Variants in GPR176 observed in about 807,000 individuals in gnomAD.
GPR176 encodes the protein G-protein coupled receptor 176.
In GPR176, 26 loss-of-function variants were observed where a neutral mutation model predicts 35.4. The observed-to-expected ratio is 0.74, with a 90% CI of 0.54 to 1.02. GPR176 has a LOEUF of 1.02. Ranked by LOEUF, GPR176 falls within the 50% of genes least tolerant of loss-of-function variation. GPR176 has a pLI of 0.00. For synonymous variants in GPR176, 278 were observed against 271.3 expected (o/e 1.02, Z -0.24); for missense variants, 597 against 665.3 (o/e 0.90, Z 1.13).
At chr15:39,813,469 GA>G (rs1041835470) in intron 1 of GPR176, 1 of 152,192 alleles carries the variant, frequency 6.6e-6, no homozygotes, top group Non-Finnish European at 1.5e-5. Context: ...CCCAGCAGTT[GA>G]AAGATATCAC....
At chr15:39,886,304 A>T (rs1366195267) in intron 1 of GPR176, among the ~76,000 whole-genome samples, 2 of 152,140 alleles carry the variant, frequency 1.3e-5, no homozygotes, top group African/African-American at 4.8e-5. Flanking sequence ...CTCAGCAGAG[A>T]ATTTTACAGG....
intron 1 of GPR176, among the ~76,000 whole-genome samples, chr15:39,895,280 G>T (rs1208353467): frequency 3.0e-5 from 1 of 32,898 alleles, no homozygotes; most frequent in Non-Finnish European, 7.2e-5. Context: ...GGGAGACCGT[G>T]GGGAGAGGAA....
At chr15:39,888,478 T>C (rs1595508007) in intron 1 of GPR176, among the ~76,000 whole-genome samples, 1 of 152,266 alleles carries the variant, frequency 6.6e-6, no homozygotes, top group East Asian at 1.9e-4. Flanking sequence ...GCCCAAGCTG[T>C]AGTGCCATGC....
chr15:39,844,035 T>C (rs1274536205), intron 1 of GPR176, among the ~76,000 whole-genome samples: 1 of 152,158 alleles, frequency 6.6e-6, no homozygotes, highest in Non-Finnish European at 1.5e-5. Context: ...GCGTTCTAAA[T>C]CTCACCCAAA....
chr15:39,833,160 C>A (rs530603674), intron 1 of GPR176, among the ~76,000 whole-genome samples: 1 of 151,982 alleles, frequency 6.6e-6, no homozygotes, highest in Non-Finnish European at 1.5e-5. Flanking sequence ...GTATACATAT[C>A]CAAGAAAAAG....
intron 1 of GPR176, among the ~76,000 whole-genome samples, chr15:39,824,046 G>A (rs762482939): frequency 5.9e-5 from 9 of 152,136 alleles, no homozygotes; most frequent in Non-Finnish European, 7.4e-5. Context: ...TGAATGGCCC[G>A]GTGCCATCCC....
chr15:39,832,654 AACACACACACACACACAC>A (rs112693906), intron 1 of GPR176, among the ~76,000 whole-genome samples: 26 of 145,234 alleles, frequency 1.8e-4, no homozygotes, highest in Middle Eastern at 3.5e-3. Flanking sequence ...TGATGAGCTA[AACACACACACACACACAC>A]ACACACACAC....
At chr15:39,820,455 AG>A (rs554263932) in intron 1 of GPR176, among the ~76,000 whole-genome samples, 3 of 152,218 alleles carry the variant, frequency 2.0e-5, no homozygotes, top group Non-Finnish European at 4.4e-5. Flanking sequence ...AGAGCTCTGT[AG>A]GAAGGAGGGA....
At position 39,896,130 on chromosome 15, in the gene GPR176, C is replaced by G. The variant is rs144359769; in HGVS notation, c.172+23725G>C. Among the ~76,000 whole-genome samples, 367 of 152,272 alleles carry G rather than the reference C, an allele frequency of 2.4e-3. 2 individuals carry two copies. The highest frequency in any genetic ancestry group is 8.5e-3 in the African/African-American group (353 of 41,536). On this transcript the variant is annotated intron_variant, in intron 1 of 2. Transcript: ENST00000561100. ...AGTGCAGTGGCATGATCGTAGCTCA[C>G]TGTAGCCTGGAACCTCTGGGTTCAA...
chr15:39,889,608 T>TAAAATAAAATAAAATAAAATAAAAC (rs1369801259), intron 1 of GPR176, among the ~76,000 whole-genome samples: 4 of 136,498 alleles, frequency 2.9e-5, no homozygotes, highest in African/African-American at 8.3e-5. Flanking sequence ...TAAAATAAAA[T>TAAAATAAAATAAAATAAAATAAAAC]AAAACAAAAC....
At chr15:39,876,921 A>C (rs956729545) in intron 1 of GPR176, among the ~76,000 whole-genome samples, 1 of 152,160 alleles carries the variant, frequency 6.6e-6, no homozygotes, top group Non-Finnish European at 1.5e-5. Flanking sequence ...TAGGTGATCT[A>C]CATTATCTTC....
At chr15:39,832,014 AC>A (rs1901117046) in intron 1 of GPR176, among the ~76,000 whole-genome samples, 3 of 151,856 alleles carry the variant, frequency 2.0e-5, no homozygotes, top group Non-Finnish European at 4.4e-5. Flanking sequence ...ACACACACAC[AC>A]ACACACACAC....
At position 39,807,728 on chromosome 15, in the gene GPR176, T is replaced by G. The variant is rs1899293264; in HGVS notation, c.173-470A>C. The G allele has an allele frequency of 6.8e-6, 4 of 591,472 alleles. No homozygotes were observed. In the Admixed American group the frequency reaches 1.1e-4, roughly 16 times the overall value. The allele number at this position is 591,472 out of a possible 1,614,324, so 36.6% of individuals were successfully genotyped here. A position where few individuals can be genotyped will look rare whatever the true frequency, so the allele number is the denominator to read the frequency against. Reference sequence around the variant, plus strand: ...GCAGGTGAGATTTTAATAATATTTTTTATTCAACCCAACAGATCCCAAATA... The same window carrying G: ...GCAGGTGAGATTTTAATAATATTTTGTATTCAACCCAACAGATCCCAAATA... On this transcript the variant is annotated intron_variant, in intron 1 of 2. Coordinates refer to ENST00000561100, the MANE Select transcript of GPR176 (RefSeq NM_007223.3).
At chr15:39,905,831 G>A (rs1244219141) in intron 1 of GPR176, among the ~76,000 whole-genome samples, 4 of 152,186 alleles carry the variant, frequency 2.6e-5, no homozygotes, top group Non-Finnish European at 4.4e-5. Context: ...GGAAATGGGT[G>A]TGGCCATAAC....
At chr15:39,879,445 A>G (rs771265794) in intron 1 of GPR176, among the ~76,000 whole-genome samples, 1 of 152,230 alleles carries the variant, frequency 6.6e-6, no homozygotes. Context: ...CCAAAGGTCT[A>G]TTGAAATGTT....
At chr15:39,903,044 C>T (rs1294003757) in intron 1 of GPR176, among the ~76,000 whole-genome samples, 1 of 152,194 alleles carries the variant, frequency 6.6e-6, no homozygotes, top group Non-Finnish European at 1.5e-5. Flanking sequence ...ATGAGGTATT[C>T]AACACTTCAT....
At chr15:39,910,414 C>A (rs2033546979) in intron 1 of GPR176, among the ~76,000 whole-genome samples, 1 of 152,026 alleles carries the variant, frequency 6.6e-6, no homozygotes, top group South Asian at 2.1e-4. Context: ...ATGGTAAAAC[C>A]CCATCTCTAC....
chr15:39,894,669 G>A lies in GPR176; in HGVS notation c.172+25186C>T, dbSNP rs1160943231. The A allele has an allele frequency of 3.4e-5, 6 of 174,490 alleles. No individual in the cohort carries two copies. The South Asian group carries it at 4.4e-4, about 13-fold the overall frequency. The allele number at this position is 174,490 out of a possible 1,614,324, so 10.8% of individuals were successfully genotyped here. ...TCACTTCCTAGATGTGATGGCGGCC[G>A]GGAAGAGGTGCTCCTCACTTCCTAG... On this transcript the variant is annotated intron_variant, in intron 1 of 2. Transcript: ENST00000561100.
At chr15:39,818,365 T>C (rs1414686906) in intron 1 of GPR176, among the ~76,000 whole-genome samples, 2 of 152,250 alleles carry the variant, frequency 1.3e-5, no homozygotes, top group African/African-American at 4.8e-5. Context: ...AGCTATGTAG[T>C]AAGTTCATTA....
Sources: allele counts gnomAD v4.1 joint callset (sites outside exome capture counted in the v4.1 genomes callset), GRCh38; gene constraint gnomAD v4.1.1; transcripts MANE v1.5; gene names NCBI Gene and HGNC (gene_info 2026-07-23, HGNC 2026-07-21).